Variants in BEGAIN observed in about 807,000 individuals in gnomAD.
The protein encoded by BEGAIN is brain enriched guanylate kinase associated, also known as brain-enriched guanylate kinase-associated protein.
Under a neutral mutation model 35.8 loss-of-function variants are expected in BEGAIN, and 19 were observed. The ratio of observed to expected loss-of-function variants is 0.53; its 90% CI spans 0.37 to 0.78. BEGAIN has a LOEUF of 0.78. Among genes scored for constraint, BEGAIN ranks in the 30% least tolerant of loss-of-function variants. The pLI is 0.00. For synonymous variants in BEGAIN, 462 were observed against 388.6 expected, an observed-to-expected ratio of 1.19 and a Z score of -2.22; for missense variants, 795 against 853.6, an observed-to-expected ratio of 0.93 and a Z score of 0.85.
rs375712574 is a variant in BEGAIN at position 100,538,522 on chromosome 14, G to A, written c.1286C>T (p.Pro429Leu). Residue 429 changes from proline (P) to leucine (L), a missense_variant, in exon 7 of 7, where the codon CCC becomes CTC. This residue lies in a region of BEGAIN where 664 missense variants were observed against 647.7 expected (regional missense o/e 1.03). Coordinates refer to ENST00000554140, the MANE Select transcript of BEGAIN (RefSeq NM_001385089.1). ...CCACTGGCCCCTCATGTCCTCCCCG[G>A]GGAGCCGGGCGGTCCCCGGCTTGGC... is the stretch of plus-strand genomic sequence containing the variant. ...LRAKPGTARL[P>L]GEDMRGQWRP... 18 of 1,521,030 alleles carry A rather than the reference G, an allele frequency of 1.2e-5. No individual in the cohort carries two copies. The highest frequency in any genetic ancestry group is 1.6e-5 in the Non-Finnish European group (18 of 1,137,870). The allele number at this position is 1,521,030 out of a possible 1,614,324, so 94.2% of individuals were successfully genotyped here.
chr14:100,572,290 C>T (rs1330481484), intron 1 of BEGAIN, among the ~76,000 whole-genome samples: 1 of 152,194 alleles, frequency 6.6e-6, no homozygotes, highest in East Asian at 1.9e-4. Flanking sequence ...ACCATCTGAC[C>T]CCATTGCACG....
chr14:100,551,125 G>A (rs2033149720), intron 2 of BEGAIN, among the ~76,000 whole-genome samples: 1 of 152,222 alleles, frequency 6.6e-6, no homozygotes, highest in Non-Finnish European at 1.5e-5. Flanking sequence ...GCAGATGTTA[G>A]GGATCCGGGG....
intron 2 of BEGAIN, among the ~76,000 whole-genome samples, chr14:100,565,807 G>A (rs565558417): frequency 1.3e-5 from 2 of 152,336 alleles, no homozygotes; most frequent in South Asian, 4.1e-4. Flanking sequence ...CCTGCAACCT[G>A]GTTGTGGTTA....
At chr14:100,551,486 G>T (rs1311230462) in intron 2 of BEGAIN, among the ~76,000 whole-genome samples, 1 of 152,176 alleles carries the variant, frequency 6.6e-6, no homozygotes, top group African/African-American at 2.4e-5. Context: ...AGATGGGCGT[G>T]CTCAGAAAAA....
intron 1 of BEGAIN, among the ~76,000 whole-genome samples, chr14:100,583,494 C>A (rs1022835214): frequency 3.3e-5 from 5 of 152,058 alleles, no homozygotes; most frequent in Non-Finnish European, 5.9e-5. Context: ...TCCCTCCACC[C>A]ATGTATCATC....
intron 1 of BEGAIN, among the ~76,000 whole-genome samples, chr14:100,574,542 AC>A (rs1407517545): frequency 3.4e-5 from 5 of 148,102 alleles, no homozygotes; most frequent in African/African-American, 5.0e-5. Context: ...TTTTTTTTAA[AC>A]ATTTGAGCCA....
chr14:100,572,938 G>A (rs2035116887), intron 1 of BEGAIN, among the ~76,000 whole-genome samples: 1 of 152,030 alleles, frequency 6.6e-6, no homozygotes, highest in African/African-American at 2.4e-5. Flanking sequence ...GGTCAGACTG[G>A]ATGAAATTCT....
intron 1 of BEGAIN, among the ~76,000 whole-genome samples, chr14:100,575,842 G>A (rs533636916): frequency 9.3e-4 from 142 of 152,198 alleles, no homozygotes; most frequent in African/African-American, 3.3e-3. Flanking sequence ...AACAGGCCCT[G>A]AGGCCCCAAG....
chr14:100,583,647 TTTTC>T (rs1401819611), intron 1 of BEGAIN, among the ~76,000 whole-genome samples: 4 of 151,442 alleles, frequency 2.6e-5, no homozygotes, highest in East Asian at 1.9e-4. Context: ...TCTTTCTTTC[TTTTC>T]TTTTTTTCTT....
rs1263058761 is a variant in BEGAIN, at chr14:100,558,293, C to T, written c.71+9618G>A. On this transcript the variant is annotated intron_variant, in intron 2 of 6. Coordinates refer to ENST00000554140, the MANE Select transcript of BEGAIN (RefSeq NM_001385089.1). This position sits in a 1 kb window ranked among gnomAD's most constrained non-coding sequence, Gnocchi z 4.6. ...TCCCCTCCATGTCACCGAACTGGTC[C>T]TGTCTCAGCCTTCACCTGACCTGCG... Among the ~76,000 whole-genome samples the T allele has an allele frequency of 1.3e-5, 2 of 152,170 alleles. No homozygotes were observed. The highest frequency in any genetic ancestry group is 2.9e-5 in the Non-Finnish European group (2 of 68,026).
At chr14:100,578,142 C>T (rs933674749) in intron 1 of BEGAIN, among the ~76,000 whole-genome samples, 14 of 152,202 alleles carry the variant, frequency 9.2e-5, no homozygotes, top group Admixed American at 3.3e-4. Context: ...ACCCCCAAAT[C>T]GATTCTCACT....
At chr14:100,561,569 T>C (rs1231626316) in intron 2 of BEGAIN, among the ~76,000 whole-genome samples, 1 of 152,238 alleles carries the variant, frequency 6.6e-6, no homozygotes, top group East Asian at 1.9e-4. Context: ...GGCGACATGG[T>C]GACACCCTGT....
chr14:100,570,092 C>A (rs973039361), intron 1 of BEGAIN, among the ~76,000 whole-genome samples: 37 of 152,240 alleles, frequency 2.4e-4, no homozygotes, highest in African/African-American at 8.9e-4. Flanking sequence ...GGAGCCTTTC[C>A]CACCCAAAGG....
At chr14:100,562,008 G>A (rs1488529178) in intron 2 of BEGAIN, among the ~76,000 whole-genome samples, 1 of 152,118 alleles carries the variant, frequency 6.6e-6, no homozygotes, top group Non-Finnish European at 1.5e-5. Flanking sequence ...AGCTGCAAAG[G>A]GAGAAATCAA....
In BEGAIN at chr14:100,568,606, C is replaced by A. The variant is rs1016269391; in HGVS notation, c.43-667G>T. The A allele has an allele frequency of 3.9e-6, 4 of 1,031,934 alleles. No individual in the cohort carries two copies. The highest frequency in any genetic ancestry group is 5.1e-6 in the Non-Finnish European group (4 of 785,112). The allele number at this position is 1,031,934 out of a possible 1,614,324, so 63.9% of individuals were successfully genotyped here. Reference sequence around the variant, plus strand: ...GGGCTCCCTGCCTTGCTTGCGCAGACCCGCCCGCGCGCGGCTTGGAGACCC... The same window carrying A: ...GGGCTCCCTGCCTTGCTTGCGCAGAACCGCCCGCGCGCGGCTTGGAGACCC... On this transcript the variant is annotated intron_variant, in intron 1 of 6. Transcript: ENST00000554140. The surrounding 1 kb of genome is among the most constrained non-coding windows in gnomAD (Gnocchi z 7.5).
At position 100,573,880 on chromosome 14, in the gene BEGAIN, C is replaced by T. The variant is rs997532788; in HGVS notation, c.43-5941G>A. Among the ~76,000 whole-genome samples, 14 of 142,708 alleles carry T rather than the reference C, an allele frequency of 9.8e-5. No individual in the cohort carries two copies. The highest frequency in any genetic ancestry group is 3.0e-4 in the African/African-American group (12 of 39,776). 93.6% of individuals were successfully genotyped at this position (142,708 alleles called of 152,430 possible). ...AGGCGACAGGGGCTGGGACAGAGCC[C>T]GGGACTCTGCCACTGTTGGGGATCA... On this transcript the variant is annotated intron_variant, in intron 1 of 6. Transcript: ENST00000554140. This position sits in a 1 kb window ranked among gnomAD's most constrained non-coding sequence, Gnocchi z 4.2.
intron 1 of BEGAIN, among the ~76,000 whole-genome samples, chr14:100,575,624 A>C (rs560108215): frequency 6.6e-6 from 1 of 152,038 alleles, no homozygotes; most frequent in Non-Finnish European, 1.5e-5. Context: ...ATCATGAGAT[A>C]CGATCCTGGG....
intron 2 of BEGAIN, among the ~76,000 whole-genome samples, chr14:100,556,488 T>C (rs2033735963): frequency 6.6e-6 from 1 of 152,060 alleles, no homozygotes; most frequent in Non-Finnish European, 1.5e-5. Context: ...CTGTAGTCAC[T>C]CCTGGACCTT....
In BEGAIN at chr14:100,545,027, C is replaced by T; in HGVS notation, c.273G>A (p.Gln91=). The change falls in exon 4 of 7, where the codon CAG becomes CAA. Residue 91 remains glutamine, a synonymous_variant. Coordinates refer to ENST00000554140, the MANE Select transcript of BEGAIN (RefSeq NM_001385089.1). ...TGCGGTACAGCTTGTCCTCCAGCTCCTGGTTGATCCTCTGCAGTGCCATGT... is the reference window on the plus strand; with the variant it reads ...TGCGGTACAGCTTGTCCTCCAGCTCTTGGTTGATCCTCTGCAGTGCCATGT... The part of the protein sequence containing the change: ...SNYMALQRIN[Q]ELEDKLYRMG... 6.2e-7 allele frequency: 1 copy of T among 1,613,186 alleles called. No homozygotes were observed. Among genetic ancestry groups the T allele is most frequent in the Non-Finnish European group, 8.5e-7 (1 of 1,179,984 alleles).
Sources: allele counts gnomAD v4.1 joint callset (sites outside exome capture counted in the v4.1 genomes callset), GRCh38; gene constraint gnomAD v4.1.1; regional missense constraint gnomAD v4.1.1; non-coding constraint Gnocchi (gnomAD v3.1); transcripts MANE v1.5; gene names NCBI Gene and HGNC (gene_info 2026-07-23, HGNC 2026-07-21).